HERC2: variants seen among roughly 807,000 people sequenced by gnomAD.
HERC2 encodes E3 ubiquitin-protein ligase HERC2.
HERC2 carries 102 observed loss-of-function variants against 537.7 expected under a neutral mutation model. The ratio of observed to expected loss-of-function variants is 0.19; its 90% CI spans 0.16 to 0.22. HERC2 has a LOEUF of 0.22. Among genes scored for constraint, HERC2 ranks in the 10% least tolerant of loss-of-function variants. HERC2 has a pLI of 1.00. For synonymous variants in HERC2, 2,224 were observed against 2,466.2 expected, an observed-to-expected ratio of 0.90 and a Z score of 2.91; for missense variants, 4,236 against 6,198.2, an observed-to-expected ratio of 0.68 and a Z score of 10.63.
rs192992102 is a variant in HERC2 at position 28,299,395 on chromosome 15, C to G, written c.187+7G>C. On this transcript the variant is annotated splice_region_variant and intron_variant, in intron 3 of 92. Coordinates refer to ENST00000261609, the MANE Select transcript of HERC2 (RefSeq NM_004667.6). ...CCAAATAAAAAACACTAGTTAAAGG[C>G]CCTTACCTTTTCTAGGAGGGAGCTC... The G allele has an allele frequency of 3.0e-6, 4 of 1,334,022 alleles. No homozygotes were observed. Among genetic ancestry groups the G allele is most frequent in the Admixed American group, 3.5e-5 (2 of 56,930 alleles). 82.6% of individuals were successfully genotyped at this position (1,334,022 alleles called of 1,614,324 possible).
Position 28,227,456 on chromosome 15 carries a change from CAAAAAAAAAAAGAAAA to C in HERC2, c.5464+746_5464+761del, listed in dbSNP as rs1402823062. On this transcript the variant is annotated intron_variant, in intron 35 of 92. Transcript: ENST00000261609. ...CACACCCACTACGATGGCCTTCATCCAAAAAAAAAAAGAAAAAAAAAAAAAACACAAAAAATAGTGT... is the reference window on the plus strand; with the variant it reads ...CACACCCACTACGATGGCCTTCATCCAAAAAAAAAACACAAAAAATAGTGT... 3.1e-5 allele frequency among the ~76,000 whole-genome samples: 3 copies of C among 97,746 alleles called. No homozygotes were observed. In the South Asian group the frequency reaches 1.0e-3, roughly 34 times the overall value. The allele number at this position is 97,746 out of a possible 152,430, so 64.1% of individuals were successfully genotyped here. A position where few individuals can be genotyped will look rare whatever the true frequency, so the allele number is the denominator to read the frequency against.
Position 28,265,883 on chromosome 15 carries a change from C to T in HERC2, c.1690G>A (p.Ala564Thr), listed in dbSNP as rs755841447. 1 of 1,614,200 alleles carries T rather than the reference C, an allele frequency of 6.2e-7. No individual in the cohort carries two copies. Among genetic ancestry groups the T allele is most frequent in the South Asian group, 1.1e-5 (1 of 91,078 alleles). Residue 564 changes from alanine (A) to threonine (T), a missense_variant, in exon 13 of 93, where the codon GCG becomes ACG. Physicochemically the swap from Ala to Thr is moderately conservative, Grantham distance 58. Around this residue, in one of 27 missense-constraint regions of HERC2, gnomAD observed 754 missense variants for 1,085.0 expected, o/e 0.69. Coordinates refer to ENST00000261609, the MANE Select transcript of HERC2 (RefSeq NM_004667.6). This position sits in a 1 kb window ranked among gnomAD's most constrained non-coding sequence, Gnocchi z 4.0. The part of the protein sequence containing the change: ...VHIACGSTYS[A>T]AITAEGELYT... ...AGCTCCCCCTCGGCAGTGATGGCCG[C>T]ACTGTAAGTGCTCCCGCAAGCGATG...
chr15:28,239,867 T>G (rs186657727), intron 23 of HERC2, among the ~76,000 whole-genome samples: 1 of 152,160 alleles, frequency 6.6e-6, no homozygotes, highest in African/African-American at 2.4e-5. Flanking sequence ...CCTGGAGCCA[T>G]GTTGTTGGGA....
chr15:28,313,871 G>C (rs532686040), intron 2 of HERC2, among the ~76,000 whole-genome samples: 2 of 152,204 alleles, frequency 1.3e-5, no homozygotes, highest in South Asian at 2.1e-4. Flanking sequence ...AAGCAAGCAG[G>C]GATGAGACTG....
At chr15:28,309,682 G>A (rs1187663425) in intron 2 of HERC2, among the ~76,000 whole-genome samples, 1 of 151,840 alleles carries the variant, frequency 6.6e-6, no homozygotes, top group African/African-American at 2.4e-5. Flanking sequence ...ATGACAGCGT[G>A]CCCTAGCCAA....
chr15:28,220,471 C>T lies in HERC2; in HGVS notation c.5826G>A (p.Ser1942=), dbSNP rs1450738986. Residue 1942 remains serine, a synonymous_variant, in exon 37 of 93, where the codon TCG becomes TCA. Transcript: ENST00000261609. ...ACCCACCAGAGTCATCCTCTGTGTCCGAATCCTCTGCTGAGGGCTGTGCAG... is the reference window on the plus strand; with the variant it reads ...ACCCACCAGAGTCATCCTCTGTGTCTGAATCCTCTGCTGAGGGCTGTGCAG... ...PAAAQPSAED[S]DTEDDSEAEQ... The T allele has an allele frequency of 1.1e-5, 17 of 1,606,260 alleles. No individual in the cohort carries two copies. Among genetic ancestry groups the T allele is most frequent in the Non-Finnish European group, 1.4e-5 (17 of 1,179,786 alleles).
intron 35 of HERC2, among the ~76,000 whole-genome samples, chr15:28,222,545 AAC>A (rs1900635167): frequency 6.6e-6 from 1 of 152,212 alleles, no homozygotes; most frequent in Admixed American, 6.5e-5. Flanking sequence ...TTAATAGAAA[AAC>A]AAAGATAACT....
chr15:28,171,198 G>A (rs1465130762), intron 65 of HERC2, among the ~76,000 whole-genome samples: 1 of 152,186 alleles, frequency 6.6e-6, no homozygotes, highest in East Asian at 1.9e-4. Context: ...TGACATGGCA[G>A]TTTTATTTGT....
chr15:28,154,886 G>C (rs1015615943), intron 69 of HERC2, among the ~76,000 whole-genome samples: 2 of 151,144 alleles, frequency 1.3e-5, no homozygotes, highest in East Asian at 3.9e-4. Flanking sequence ...ATTTACATTA[G>C]GTATATCTCC....
At position 28,299,659 on chromosome 15, in the gene HERC2, T is replaced by C. The variant is rs146474931; in HGVS notation, c.73-143A>G. The C allele has an allele frequency of 1.2e-3, 734 of 601,216 alleles. 4 individuals are homozygous for C. The African/African-American group carries it at 0.012, about 10-fold the overall frequency. 37.2% of individuals were successfully genotyped at this position (601,216 alleles called of 1,614,324 possible). On this transcript the variant is annotated intron_variant, in intron 2 of 92. Coordinates refer to ENST00000261609, the MANE Select transcript of HERC2 (RefSeq NM_004667.6). ...AATCAATGATTTACTGAATTAGTGA[T>C]TTAATCATTTTACATTTCAGGAAAG...
intron 37 of HERC2, among the ~76,000 whole-genome samples, chr15:28,220,082 G>C: frequency 1.3e-5 from 2 of 152,282 alleles, no homozygotes; most frequent in Middle Eastern, 6.8e-3. Context: ...GCAATGGACC[G>C]AGACCACAGG....
Position 28,113,579 on chromosome 15 carries a change from C to T in HERC2, c.14013G>A (p.Glu4671=), listed in dbSNP as rs368971293. ...CACCTGGGGGTCGGCATACCATCGTCTCCAGTTCGTAGCCGGTGAACAGAG... is the reference window on the plus strand; with the variant it reads ...CACCTGGGGGTCGGCATACCATCGTTTCCAGTTCGTAGCCGGTGAACAGAG... ...LLSLFTGYEL[E]TMVCGSPDIP... is the part of the protein sequence containing the mutation. Residue 4671 remains glutamate (E), a synonymous_variant, in exon 91 of 93, where the codon GAG becomes GAA. Coordinates refer to ENST00000261609, the MANE Select transcript of HERC2 (RefSeq NM_004667.6). This position sits in a 1 kb window ranked among gnomAD's most constrained non-coding sequence, Gnocchi z 7.0. The T allele has an allele frequency of 1.2e-6, 2 of 1,613,930 alleles. No homozygotes were observed. The highest frequency in any genetic ancestry group is 2.7e-5 in the African/African-American group (2 of 74,924).
At chr15:28,139,810 C>T (rs1027548440) in intron 78 of HERC2, among the ~76,000 whole-genome samples, 2 of 151,826 alleles carry the variant, frequency 1.3e-5, no homozygotes, top group Non-Finnish European at 2.9e-5. Context: ...CCTGTAATCC[C>T]AGCACTTTGG....
chr15:28,239,287 G>A (rs1200209980), intron 23 of HERC2, among the ~76,000 whole-genome samples: 1 of 152,106 alleles, frequency 6.6e-6, no homozygotes, highest in African/African-American at 2.4e-5. Context: ...GCCTTTAAAT[G>A]TGTATATTAG....
chr15:28,193,679 A>C (rs1385136895), intron 52 of HERC2, among the ~76,000 whole-genome samples: 3 of 152,140 alleles, frequency 2.0e-5, no homozygotes, highest in Admixed American at 2.0e-4. Flanking sequence ...GATGAAAACA[A>C]AAAGACTCTC....
At chr15:28,243,098 C>T (rs1046617355) in intron 23 of HERC2, among the ~76,000 whole-genome samples, 17 of 152,204 alleles carry the variant, frequency 1.1e-4, no homozygotes, top group African/African-American at 3.6e-4. Context: ...AGACCAGACA[C>T]AAGCATAGAC....
chr15:28,210,317 T>C (rs1466375334), intron 44 of HERC2, among the ~76,000 whole-genome samples: 3 of 152,098 alleles, frequency 2.0e-5, no homozygotes, highest in Non-Finnish European at 2.9e-5. Context: ...GTATTTTTAG[T>C]AGAAATGGGG....
At position 28,168,391 on chromosome 15, in the gene HERC2, T is replaced by G. The variant is rs767828080; in HGVS notation, c.10413+16A>C. ...TTTTCCTTTCTGATCTAACATTGCT[T>G]TAGATTCGCTTTTACCTCTCTCTTT... On this transcript the variant is annotated intron_variant, in intron 67 of 92. Coordinates refer to ENST00000261609, the MANE Select transcript of HERC2 (RefSeq NM_004667.6). 7 of 1,611,344 alleles carry G rather than the reference T, an allele frequency of 4.3e-6. No individual in the cohort carries two copies. Among genetic ancestry groups the G allele is most frequent in the Non-Finnish European group, 4.2e-6 (5 of 1,178,244 alleles).
intron 57 of HERC2, among the ~76,000 whole-genome samples, chr15:28,181,706 A>G (rs961691553): frequency 1.3e-5 from 2 of 152,202 alleles, no homozygotes; most frequent in African/African-American, 2.4e-5. Context: ...CAAATGCATC[A>G]TTTCTTACAC....
Sources: gnomAD v4.1 joint callset for allele counts (sites outside exome capture counted in the v4.1 genomes callset) on GRCh38, gnomAD v4.1.1 for gene constraint, gnomAD v4.1.1 regional missense constraint, Gnocchi (gnomAD v3.1) non-coding constraint, MANE v1.5 for transcripts, NCBI Gene and HGNC (gene_info 2026-07-23, HGNC 2026-07-21) for gene names.